Variants in GPC5 observed in about 807,000 individuals in gnomAD.
GPC5 encodes glypican-5.
Under a neutral mutation model 53.9 loss-of-function variants are expected in GPC5, and 47 were observed. The ratio of observed to expected loss-of-function variants is 0.87; its 90% CI spans 0.69 to 1.11. The LOEUF is 1.11. Ranked by LOEUF, GPC5 falls within the 50% of genes most tolerant of loss-of-function variation. GPC5 has a pLI of 0.00. For synonymous variants in GPC5, 286 were observed against 263.3 expected, an observed-to-expected ratio of 1.09 and a Z score of -0.84; for missense variants, 748 against 713.1, an observed-to-expected ratio of 1.05 and a Z score of -0.56.
At chr13:92,047,766 C>A (rs529874504) in intron 6 of GPC5, among the ~76,000 whole-genome samples, 6 of 137,106 alleles carry the variant, frequency 4.4e-5, no homozygotes, top group Non-Finnish European at 7.6e-5. Context: ...GTCAGGAGAT[C>A]GAGACCATCC....
In GPC5 at chr13:91,541,256, G is replaced by A. The variant is rs1256428090; in HGVS notation, c.325+92334G>A. ...TGTTCTTAAAGTCTCTATGTAATTT[G>A]TCCATTTCTTTTCTACTGTGTGCAG... On this transcript the variant is annotated intron_variant, in intron 2 of 7. Transcript: ENST00000377067. Among the ~76,000 whole-genome samples, 7 of 152,004 alleles carry A rather than the reference G, an allele frequency of 4.6e-5. No homozygotes were observed. In the South Asian group the frequency reaches 1.5e-3, roughly 32 times the overall value.
intron 5 of GPC5, among the ~76,000 whole-genome samples, chr13:91,829,538 G>T (rs2038623674): frequency 6.6e-6 from 1 of 152,032 alleles, no homozygotes; most frequent in South Asian, 2.1e-4. Context: ...ATACACTAGA[G>T]TGTATATGGG....
chr13:91,963,866 C>A (rs758369402), intron 6 of GPC5, among the ~76,000 whole-genome samples: 1 of 152,166 alleles, frequency 6.6e-6, no homozygotes, highest in Non-Finnish European at 1.5e-5. Flanking sequence ...AGAACACTTT[C>A]TTCGTACAAG....
chr13:92,743,398 G>A (rs977517677), intron 7 of GPC5, among the ~76,000 whole-genome samples: 1 of 152,050 alleles, frequency 6.6e-6, no homozygotes, highest in Non-Finnish European at 1.5e-5. Context: ...TCTGTTATTG[G>A]TGTATTAGAA....
chr13:92,506,692 C>T (rs375159675), intron 7 of GPC5, among the ~76,000 whole-genome samples: 10 of 152,158 alleles, frequency 6.6e-5, no homozygotes, highest in African/African-American at 1.9e-4. Flanking sequence ...CTGAGGAGAA[C>T]GTAGGAAGCT....
At chr13:92,599,989 T>C (rs531147143) in intron 7 of GPC5, among the ~76,000 whole-genome samples, 2 of 152,310 alleles carry the variant, frequency 1.3e-5, no homozygotes, top group South Asian at 4.1e-4. Context: ...ACATTTAACA[T>C]AGGACTTGGT....
intron 5 of GPC5, among the ~76,000 whole-genome samples, chr13:91,806,511 G>T (rs545576626): frequency 6.6e-6 from 1 of 152,006 alleles, no homozygotes; most frequent in South Asian, 2.1e-4. Flanking sequence ...ATGGCAGGGG[G>T]TGATGCCTCA....
chr13:91,964,880 A>G (rs1451450151), intron 6 of GPC5, among the ~76,000 whole-genome samples: 1 of 152,148 alleles, frequency 6.6e-6, no homozygotes, highest in East Asian at 1.9e-4. Context: ...TGGCACATAT[A>G]CACCATGGAA....
At chr13:91,749,537 A>G (rs1172395930) in intron 4 of GPC5, among the ~76,000 whole-genome samples, 1 of 152,192 alleles carries the variant, frequency 6.6e-6, no homozygotes, top group Middle Eastern at 3.2e-3. Flanking sequence ...TTGGGTAAAT[A>G]CCAAATAGTG....
At chr13:92,440,566 G>A (rs1877508197) in intron 7 of GPC5, among the ~76,000 whole-genome samples, 1 of 152,102 alleles carries the variant, frequency 6.6e-6, no homozygotes, top group Admixed American at 6.5e-5. Context: ...GAACATACAG[G>A]TGCACATTCT....
intron 7 of GPC5, among the ~76,000 whole-genome samples, chr13:92,819,058 G>C (rs1035356819): frequency 4.6e-5 from 7 of 151,946 alleles, no homozygotes; most frequent in African/African-American, 9.7e-5. Context: ...AGTGTTTTAA[G>C]GGTATGTTTC....
intron 2 of GPC5, among the ~76,000 whole-genome samples, chr13:91,593,946 A>G (rs1388778990): frequency 6.6e-6 from 1 of 152,128 alleles, no homozygotes; most frequent in African/African-American, 2.4e-5. Context: ...TTGACAGGTT[A>G]AATAAAAAGC....
chr13:91,437,590 C>T (rs1287347224), intron 1 of GPC5, among the ~76,000 whole-genome samples: 1 of 152,130 alleles, frequency 6.6e-6, no homozygotes, highest in Non-Finnish European at 1.5e-5. Flanking sequence ...TTGCAGGTAA[C>T]ATTTTTTCCT....
chr13:92,602,848 A>G (rs1202202187), intron 7 of GPC5, among the ~76,000 whole-genome samples: 2 of 151,498 alleles, frequency 1.3e-5, no homozygotes, highest in Non-Finnish European at 2.9e-5. Flanking sequence ...CATAGTTTTG[A>G]TTTTTTTTTC....
chr13:92,053,205 C>G (rs2041045010), intron 6 of GPC5, among the ~76,000 whole-genome samples: 1 of 152,120 alleles, frequency 6.6e-6, no homozygotes, highest in Non-Finnish European at 1.5e-5. Context: ...AGTTTCAATT[C>G]AGGAATGGTG....
intron 7 of GPC5, among the ~76,000 whole-genome samples, chr13:92,450,241 G>A (rs1316648059): frequency 6.6e-6 from 1 of 152,100 alleles, no homozygotes; most frequent in Non-Finnish European, 1.5e-5. Flanking sequence ...TACAGGTCGA[G>A]TATCCTTTGT....
intron 7 of GPC5, among the ~76,000 whole-genome samples, chr13:92,363,345 C>T (rs137947614): frequency 6.6e-6 from 1 of 151,714 alleles, no homozygotes; most frequent in Non-Finnish European, 1.5e-5. Flanking sequence ...ACATTTTTGG[C>T]ACCAGGGACC....
intron 2 of GPC5, among the ~76,000 whole-genome samples, chr13:91,625,454 G>A (rs184807981): frequency 6.6e-6 from 1 of 152,126 alleles, no homozygotes; most frequent in Admixed American, 6.6e-5. Flanking sequence ...CATGGAGAAG[G>A]CATGGAAGGA....
At chr13:91,645,844 G>C (rs1004195418) in intron 2 of GPC5, among the ~76,000 whole-genome samples, 3 of 152,046 alleles carry the variant, frequency 2.0e-5, no homozygotes, top group Non-Finnish European at 4.4e-5. Context: ...CATATCTGGG[G>C]GATCCACAAA....
Sources: allele counts gnomAD v4.1 joint callset (sites outside exome capture counted in the v4.1 genomes callset), GRCh38; gene constraint gnomAD v4.1.1; transcripts MANE v1.5; gene names NCBI Gene and HGNC (gene_info 2026-07-23, HGNC 2026-07-21).